NPM1: variants seen among roughly 807,000 people sequenced by gnomAD.
NPM1 encodes nucleophosmin.
A neutral mutation model predicts 44.1 loss-of-function variants in NPM1; 1 was observed. The ratio of observed to expected loss-of-function variants is 0.02; its 90% CI spans 0.01 to 0.11. The LOEUF (loss-of-function observed/expected upper bound fraction) is 0.11. Ranked by LOEUF, NPM1 falls within the 10% of genes least tolerant of loss-of-function variation. The pLI, the probability that NPM1 is intolerant of heterozygous loss-of-function variation, is 1.00. For synonymous variants in NPM1, 126 were observed against 111.8 expected, an observed-to-expected ratio of 1.13 and a Z score of -0.80; for missense variants, 197 against 347.8, an observed-to-expected ratio of 0.57 and a Z score of 3.45.
intron 7 of NPM1, 166 bp from the exon 8 acceptor site, chr5:171,400,673 C>G: frequency 1.9e-6 from 1 of 538,592 alleles, no homozygotes; most frequent in Non-Finnish European, 3.3e-6. Context: ...GTCTCGAACT[C>G]CTGACCTCGT....
intron 2 of NPM1, 34 bp from the exon 3 acceptor site, chr5:171,391,271 A>G: frequency 6.2e-7 from 1 of 1,601,684 alleles, no homozygotes; most frequent in East Asian, 2.2e-5. Flanking sequence ...GGTGGAACTC[A>G]AAAGTTGAAG....
At position 171,406,434 on chromosome 5, in the gene NPM1, G is replaced by A. The variant is rs1299724694; in HGVS notation, c.771+1031G>A. ...GTCCTGGGCACTACATGTAAATTAAGCCCAAAGATGGGGAGAAAGGAAAAG... is the reference window on the plus strand; with the variant it reads ...GTCCTGGGCACTACATGTAAATTAAACCCAAAGATGGGGAGAAAGGAAAAG... On this transcript the variant is annotated intron_variant, in intron 9 of 10. Transcript: ENST00000296930. 3.1e-6 allele frequency: 5 copies of A among 1,612,588 alleles called. No homozygotes were observed. In the South Asian group the frequency reaches 3.3e-5, roughly 11 times the overall value.
At chr5:171,389,250 CTGAGA>C (rs1234889941) in intron 1 of NPM1, among the ~76,000 whole-genome samples, 2 of 152,132 alleles carry the variant, frequency 1.3e-5, no homozygotes, top group African/African-American at 4.8e-5. Flanking sequence ...ATTATCCGTG[CTGAGA>C]TTTGTTAATT....
chr5:171,404,864 G>A (rs1230880941), intron 8 of NPM1, among the ~76,000 whole-genome samples: 2 of 152,068 alleles, frequency 1.3e-5, no homozygotes, highest in Non-Finnish European at 2.9e-5. Context: ...CTGAGTGAAC[G>A]AGACTCTGTC....
chr5:171,387,625 C>A (rs1044368936), upstream of NPM1: 22 of 310,140 alleles, frequency 7.1e-5, no homozygotes, highest in African/African-American at 4.6e-4. Context: ...GCGACAGCAG[C>A]GGAGGGGTGG....
chr5:171,387,884 C>T lies in NPM1; in HGVS notation c.-65C>T, dbSNP rs533273568. 1.3e-4 allele frequency: 194 copies of T among 1,499,392 alleles called. No homozygotes were observed. Among genetic ancestry groups the T allele is most frequent in the Non-Finnish European group, 1.5e-4 (159 of 1,078,462 alleles). 92.9% of individuals were successfully genotyped at this position (1,499,392 alleles called of 1,614,324 possible). On this transcript the variant is annotated 5_prime_UTR_variant, in exon 1 of 11. Coordinates refer to ENST00000296930, the MANE Select transcript of NPM1 (RefSeq NM_002520.7). ...TGTGATTCCGTCCTGCGCGGTTGTT[C>T]TCTGGAGCAGCGTTCTTTTATCTCC...
At chr5:171,393,092 T>G (rs1770674951) in intron 6 of NPM1, 114 bp downstream of exon 6, 1 of 1,350,914 alleles carries the variant, frequency 7.4e-7, no homozygotes, top group African/African-American at 1.5e-5. Context: ...AGCCATCCTA[T>G]GTAATAGTTT....
rs756702793 is a variant in NPM1 at position 171,392,998 on chromosome 5, C to T, written c.524+20C>T. 1.9e-6 allele frequency: 3 copies of T among 1,603,250 alleles called. No individual in the cohort carries two copies. Among genetic ancestry groups the T allele is most frequent in the Non-Finnish European group, 2.6e-6 (3 of 1,172,392 alleles). ...TGAAGAGTAAGTATGATTTTAGAAA[C>T]TTGATATACTTCCGGAATCTTGACA... On this transcript the variant is annotated intron_variant, in intron 6 of 10. Coordinates refer to ENST00000296930, the MANE Select transcript of NPM1 (RefSeq NM_002520.7).
intron 1 of NPM1, among the ~76,000 whole-genome samples, chr5:171,388,814 C>G (rs1022742322): frequency 6.6e-6 from 1 of 152,144 alleles, no homozygotes; most frequent in African/African-American, 2.4e-5. Context: ...GGAGCTAGCC[C>G]CACTTTGCAG....
intron 8 of NPM1, 147 bp from the exon 9 acceptor site, chr5:171,405,155 C>G (rs1046043035): frequency 1.2e-5 from 7 of 599,630 alleles, no homozygotes; most frequent in Non-Finnish European, 2.1e-5. Flanking sequence ...AATTATATGG[C>G]GTGAATTTAT....
intron 6 of NPM1, among the ~76,000 whole-genome samples, chr5:171,398,079 A>G (rs191753903): frequency 5.1e-4 from 77 of 151,778 alleles, no homozygotes; most frequent in African/African-American, 1.9e-3. Context: ...GAGCCACTGC[A>G]CTGGGCCCAA....
In NPM1 at chr5:171,392,879, T is replaced by C. The variant is rs199578865; in HGVS notation, c.460-35T>C. 6.2e-4 allele frequency: 1,005 copies of C among 1,613,004 alleles called. 1 individual carries two copies. The highest frequency in any genetic ancestry group is 8.0e-4 in the Non-Finnish European group (942 of 1,179,196). ...GCTTTTAGTTTGGTGATAGAACAGCTCTTGTTCATGAGTACGTATCTTTTC... is the reference window on the plus strand; with the variant it reads ...GCTTTTAGTTTGGTGATAGAACAGCCCTTGTTCATGAGTACGTATCTTTTC... On this transcript the variant is annotated intron_variant, in intron 5 of 10. Coordinates refer to ENST00000296930, the MANE Select transcript of NPM1 (RefSeq NM_002520.7).
chr5:171,406,298 C>A, intron 9 of NPM1: 3 of 1,025,012 alleles, frequency 2.9e-6, no homozygotes, highest in Non-Finnish European at 4.6e-6. Flanking sequence ...TCCTGGTTAT[C>A]ACTGATTTTT....
chr5:171,398,343 C>T (rs763753131), intron 6 of NPM1, among the ~76,000 whole-genome samples: 3 of 152,092 alleles, frequency 2.0e-5, no homozygotes, highest in Non-Finnish European at 4.4e-5. Context: ...GGGCTTTGTT[C>T]CATTTTGAGT....
chr5:171,395,716 A>C (rs938526647), intron 6 of NPM1, among the ~76,000 whole-genome samples: 1 of 152,228 alleles, frequency 6.6e-6, no homozygotes, highest in Non-Finnish European at 1.5e-5. Flanking sequence ...AAAGAGGTGC[A>C]TGAAGGTTCG....
chr5:171,410,004 C>A (rs1771746299), intron 10 of NPM1, among the ~76,000 whole-genome samples: 1 of 151,946 alleles, frequency 6.6e-6, no homozygotes, highest in African/African-American at 2.4e-5. Flanking sequence ...CCATGTTGCC[C>A]AGGCTGGTCT....
Position 171,391,735 on chromosome 5 carries a change from A to C in NPM1, c.288A>C (p.Pro96=). The change falls in exon 4 of 11, where the codon CCA becomes CCC. Residue 96 remains proline (P), a synonymous_variant. Transcript: ENST00000296930. Reference sequence around the variant, plus strand: ...CCCTTGGGGGCTTTGAAATAACACCACCAGTGGTCTTAAGGTTGAAGTGTG... The same window carrying C: ...CCCTTGGGGGCTTTGAAATAACACCCCCAGTGGTCTTAAGGTTGAAGTGTG... ...TVSLGGFEIT[P]PVVLRLKCGS... 1 of 1,611,218 alleles carries C rather than the reference A, an allele frequency of 6.2e-7. No homozygotes were observed. The highest frequency in any genetic ancestry group is 8.5e-7 in the Non-Finnish European group (1 of 1,178,846).
intron 6 of NPM1, among the ~76,000 whole-genome samples, chr5:171,399,719 A>G (rs1771094002): frequency 6.6e-6 from 1 of 151,842 alleles, no homozygotes; most frequent in African/African-American, 2.4e-5. Context: ...CTGAGTGTAC[A>G]GTTTAATAGA....
At chr5:171,403,670 G>T (rs1434306512) in intron 8 of NPM1, among the ~76,000 whole-genome samples, 5 of 141,834 alleles carry the variant, frequency 3.5e-5, no homozygotes, top group African/African-American at 1.4e-4. Flanking sequence ...GGACGGGGCG[G>T]CTGGCCAGGC....
Sources: allele counts gnomAD v4.1 joint callset (sites outside exome capture counted in the v4.1 genomes callset), GRCh38; gene constraint gnomAD v4.1.1; transcripts MANE v1.5; gene names NCBI Gene and HGNC (gene_info 2026-07-23, HGNC 2026-07-21).